The following NPNT variants were observed in gnomAD, a reference collection of about 807,000 sequenced individuals.
NPNT encodes the protein preosteoblast EGF-like repeat protein with MAM domain.
In NPNT, 45 loss-of-function variants were observed where a neutral mutation model predicts 68.6. The observed-to-expected ratio is 0.66, with a 90% CI of 0.52 to 0.84. The LOEUF (loss-of-function observed/expected upper bound fraction) is 0.84, where lower values mean the gene tolerates loss of function less well. Ranked by LOEUF, NPNT falls within the 40% of genes least tolerant of loss-of-function variation. The pLI, the probability that NPNT is intolerant of heterozygous loss-of-function variation, is 0.00. For missense variants in NPNT, 672 were observed against 714.8 expected (o/e 0.94, Z 0.68); for synonymous variants, 233 against 253.3 (o/e 0.92, Z 0.76).
intron 10 of NPNT, among the ~76,000 whole-genome samples, chr4:105,964,999 A>G (rs1039233620): frequency 1.3e-5 from 2 of 152,202 alleles, no homozygotes; most frequent in African/African-American, 4.8e-5. Flanking sequence ...TGAATGTATT[A>G]CATAAGAAAA....
intron 2 of NPNT, among the ~76,000 whole-genome samples, chr4:105,908,401 AG>A (rs1190889709): frequency 6.6e-6 from 1 of 152,180 alleles, no homozygotes; most frequent in Non-Finnish European, 1.5e-5. Flanking sequence ...TCAGATCACA[AG>A]ATTAGGGTTG....
intron 8 of NPNT, among the ~76,000 whole-genome samples, chr4:105,957,618 G>A (rs1731342513): frequency 2.6e-5 from 4 of 152,086 alleles, no homozygotes; most frequent in Admixed American, 2.6e-4. Flanking sequence ...TGCCCTCCAG[G>A]ACCTCAGAGA....
At chr4:105,928,851 T>C (rs1416719718) in intron 3 of NPNT, among the ~76,000 whole-genome samples, 2 of 152,162 alleles carry the variant, frequency 1.3e-5, no homozygotes, top group South Asian at 2.1e-4. Flanking sequence ...ATTGCTGAAA[T>C]ACTACTGTTC....
intron 3 of NPNT, chr4:105,932,462 A>C (rs746398710): frequency 8.1e-6 from 4 of 496,256 alleles, no homozygotes; most frequent in African/African-American, 2.0e-5. Flanking sequence ...AACCAGAAGA[A>C]CCAGAAACTA....
chr4:105,918,101 G>C (rs1727963742), intron 2 of NPNT, among the ~76,000 whole-genome samples: 1 of 152,104 alleles, frequency 6.6e-6, no homozygotes, highest in South Asian at 2.1e-4. Flanking sequence ...CATTTAAGTT[G>C]TTTTCAAATT....
chr4:105,951,238 A>C (rs1193649477), intron 8 of NPNT, among the ~76,000 whole-genome samples: 1 of 152,238 alleles, frequency 6.6e-6, no homozygotes, highest in Admixed American at 6.5e-5. Flanking sequence ...AAGCCAGATT[A>C]TAGAACATAA....
At chr4:105,926,640 T>C (rs978228688) in intron 2 of NPNT, among the ~76,000 whole-genome samples, 1 of 152,148 alleles carries the variant, frequency 6.6e-6, no homozygotes, top group African/African-American at 2.4e-5. Flanking sequence ...TGAGTGATGA[T>C]TTACAGAATT....
At chr4:105,966,478 A>G (rs9990521) in intron 10 of NPNT, among the ~76,000 whole-genome samples, 1,881 of 152,314 alleles carry the variant, frequency 0.012, 14 homozygotes, top group African/African-American at 0.023. Context: ...ACATATTTAT[A>G]GAATAGATAT....
intron 1 of NPNT, among the ~76,000 whole-genome samples, chr4:105,896,849 A>G (rs926474263): frequency 6.6e-6 from 1 of 152,196 alleles, no homozygotes; most frequent in Non-Finnish European, 1.5e-5. Context: ...CTGGGGGTAG[A>G]AAGGCAGGTA....
At chr4:105,921,696 C>T (rs1728269811) in intron 2 of NPNT, among the ~76,000 whole-genome samples, 1 of 152,172 alleles carries the variant, frequency 6.6e-6, no homozygotes, top group African/African-American at 2.4e-5. Flanking sequence ...GCTCAGGGCA[C>T]TTTTCAGAGG....
In NPNT at chr4:105,960,169, A is replaced by AT. The variant is rs570077447; in HGVS notation, c.1345+1051dup. ...ATGGAAGGGTGAGGAGTTTGGTTTC[A>AT]TTTTTTTTCCTTTTTATACTCCTGA... On this transcript the variant is annotated intron_variant, in intron 10 of 11. Transcript: ENST00000379987. Among the ~76,000 whole-genome samples the AT allele has an allele frequency of 3.4e-4, 52 of 152,032 alleles. 1 individual carries two copies. In the South Asian group the frequency reaches 0.01, roughly 30 times the overall value.
chr4:105,960,795 AAT>A (rs2149404700), intron 10 of NPNT, among the ~76,000 whole-genome samples: 1 of 152,042 alleles, frequency 6.6e-6, no homozygotes, highest in African/African-American at 2.4e-5. Context: ...TACAATATAA[AAT>A]ACCTATGACA....
Position 105,895,708 on chromosome 4 carries a change from C to G in NPNT, c.56C>G (p.Ala19Gly), listed in dbSNP as rs1265091172. Residue 19 changes from alanine to glycine, a missense_variant, in exon 1 of 12, where the codon GCC becomes GGC. Transcript: ENST00000379987. ...LVSSLYLQAAAEFDGRWPRQI... is the reference protein window; with the variant it reads ...LVSSLYLQAAGEFDGRWPRQI... ...TCCTCGCTCTACCTGCAGGCGGCCG[C>G]CGAGTTCGACGGGAGGTGAGCTGGG... 8.4e-6 allele frequency: 13 copies of G among 1,553,286 alleles called. No individual in the cohort carries two copies. The African/African-American group carries it at 1.2e-4, about 15-fold the overall frequency.
intron 3 of NPNT, among the ~76,000 whole-genome samples, chr4:105,934,264 G>A (rs1207560712): frequency 6.6e-6 from 1 of 152,120 alleles, no homozygotes. Context: ...TTTATAGAAA[G>A]CAGCACATAT....
At chr4:105,942,748 T>C (rs781598571) in intron 8 of NPNT, 46 bp downstream of exon 8, 11 of 1,532,776 alleles carry the variant, frequency 7.2e-6, no homozygotes, top group Non-Finnish European at 9.7e-6. Context: ...CTCTTTATAA[T>C]GACTTTTCAA....
In NPNT at chr4:105,942,435, A is replaced by G. The variant is rs182012400; in HGVS notation, c.892A>G (p.Lys298Glu). The G allele has an allele frequency of 2.5e-6, 4 of 1,613,934 alleles. No individual in the cohort carries two copies. The highest frequency in any genetic ancestry group is 1.7e-5 in the Admixed American group (1 of 59,950). Residue 298 changes from lysine (K) to glutamate (E), a missense_variant, in exon 8 of 12, where the codon AAG becomes GAG. Transcript: ENST00000379987. Reference sequence around the variant, plus strand: ...TGTTGGAAGTACTTGGTGGCCTCCGAAGACACCATATATTCCTCCTATCAT... The same window carrying G: ...TGTTGGAAGTACTTGGTGGCCTCCGGAGACACCATATATTCCTCCTATCAT... ...PDVGSTWWPP[K>E]TPYIPPIITN... is the part of the protein sequence containing the mutation.
At chr4:105,952,529 G>A (rs1730915415) in intron 8 of NPNT, among the ~76,000 whole-genome samples, 1 of 152,054 alleles carries the variant, frequency 6.6e-6, no homozygotes, top group Admixed American at 6.6e-5. Context: ...GCAGCAGAGC[G>A]AGACTCTATC....
intron 2 of NPNT, among the ~76,000 whole-genome samples, chr4:105,904,751 C>T (rs1010495100): frequency 4.6e-5 from 7 of 151,874 alleles, no homozygotes; most frequent in East Asian, 1.9e-4. Flanking sequence ...GGCAGGATCT[C>T]GGCTCACTGC....
chr4:105,938,706 C>T (rs1729693165), intron 5 of NPNT, among the ~76,000 whole-genome samples: 1 of 152,164 alleles, frequency 6.6e-6, no homozygotes, highest in Admixed American at 6.5e-5. Context: ...GAGAAGAGCT[C>T]AGTATTCCTA....
Sources: gnomAD v4.1 joint callset for allele counts (sites outside exome capture counted in the v4.1 genomes callset) on GRCh38, gnomAD v4.1.1 for gene constraint, MANE v1.5 for transcripts, NCBI Gene and HGNC (gene_info 2026-07-23, HGNC 2026-07-21) for gene names.